Variants in RMDN3 observed in about 807,000 individuals in gnomAD.
RMDN3 encodes regulator of microtubule dynamics protein 3.
Under a neutral mutation model 61.8 loss-of-function variants are expected in RMDN3, and 41 were observed. That is an observed-to-expected ratio of 0.66 (90% CI 0.52 to 0.86). The LOEUF (loss-of-function observed/expected upper bound fraction) is 0.86, where lower values mean the gene tolerates loss of function less well. RMDN3 is among the 40% of genes least tolerant of loss of function. The pLI, the probability that RMDN3 is intolerant of heterozygous loss-of-function variation, is 0.00. For synonymous variants in RMDN3, 247 were observed against 232.0 expected (o/e 1.06, Z -0.59); for missense variants, 557 against 585.3 (o/e 0.95, Z 0.50).
intron 9 of RMDN3, 69 bp downstream of exon 9, chr15:40,737,896 T>A: frequency 6.4e-7 from 1 of 1,569,744 alleles, no homozygotes; most frequent in Non-Finnish European, 8.8e-7. Context: ...GATCTTGTTC[T>A]TCCTGGCAAG....
Position 40,737,303 on chromosome 15 carries a change from C to A in RMDN3, c.1263G>T (p.Arg421Ser), listed in dbSNP as rs1332029790. Residue 421 changes from arginine to serine, a missense_variant, in exon 11 of 13, where the codon AGG (arginine) becomes AGT (serine). By Grantham distance (110) the Arg-to-Ser change is moderately radical. Transcript: ENST00000338376. ...ATGAGTTTACCTTGGAAATATATAC[C>A]CTTCCTGCTTTGGAAAATCCTGGCT... Reference protein sequence around the residue: ...ELQPGFSKAGRVYISKCYREL... With the variant: ...ELQPGFSKAGSVYISKCYREL... 6.2e-7 allele frequency: 1 copy of A among 1,613,940 alleles called. No homozygotes were observed. Among genetic ancestry groups the A allele is most frequent in the Admixed American group, 1.7e-5 (1 of 60,000 alleles).
chr15:40,740,698 A>G (rs1404107570), intron 6 of RMDN3, among the ~76,000 whole-genome samples: 1 of 152,102 alleles, frequency 6.6e-6, no homozygotes, highest in Admixed American at 6.5e-5. Context: ...CTTCTGCTTC[A>G]CCTTGGCTTC....
chr15:40,744,171 G>T (rs1264140779), intron 5 of RMDN3, 22 bp from the exon 6 acceptor site: 1 of 1,609,838 alleles, frequency 6.2e-7, no homozygotes, highest in South Asian at 1.1e-5. Flanking sequence ...ACAGAAACGG[G>T]TGAGGCCCCT....
intron 4 of RMDN3, among the ~76,000 whole-genome samples, 153 bp from the exon 5 acceptor site, chr15:40,745,412 CTTTTTTT>C (rs376519039): frequency 7.7e-6 from 1 of 130,316 alleles, no homozygotes; most frequent in Non-Finnish European, 1.6e-5. Context: ...GACTTTTTTT[CTTTTTTT>C]TTTTTTTTTT....
rs957402103 is a variant in RMDN3, at chr15:40,754,839, G to C, written c.-7-49C>G. 4 of 800,824 alleles carry C rather than the reference G, an allele frequency of 5.0e-6. 1 individual carries two copies. The highest frequency in any genetic ancestry group is 3.6e-5 in the African/African-American group (2 of 55,674). The allele number at this position is 800,824 out of a possible 1,614,324, so 49.6% of individuals were successfully genotyped here. Reference sequence around the variant, plus strand: ...GAGCAGGCAGGCGGGCGGGCGGGCGGGGGTAAGGAGAGAGAGAGATTCGTG... The same window carrying C: ...GAGCAGGCAGGCGGGCGGGCGGGCGCGGGTAAGGAGAGAGAGAGATTCGTG... On this transcript the variant is annotated intron_variant, in intron 1 of 12. Coordinates refer to ENST00000338376, the MANE Select transcript of RMDN3 (RefSeq NM_018145.3).
intron 2 of RMDN3, among the ~76,000 whole-genome samples, chr15:40,752,981 G>A (rs1897891440): frequency 6.6e-6 from 1 of 152,182 alleles, no homozygotes; most frequent in Non-Finnish European, 1.5e-5. Flanking sequence ...TGTAGTGCAA[G>A]AAAGATCCCT....
In RMDN3 at chr15:40,754,750, C is replaced by T; in HGVS notation, c.34G>A (p.Ala12Thr). Reference protein sequence around the residue: ...SRLGALGGARAGLGLLLGTAA... With the variant: ...SRLGALGGARTGLGLLLGTAA... ...GTACCCAGCAACAGTCCCAGCCCGG[C>T]ACGGGCACCACCCAGGGCTCCCAGT... The change falls in exon 2 of 13, where the codon GCC (alanine) becomes ACC (threonine). Residue 12 changes from alanine to threonine, a missense_variant. Transcript: ENST00000338376. 1 of 1,611,252 alleles carries T rather than the reference C, an allele frequency of 6.2e-7. No individual in the cohort carries two copies. Among genetic ancestry groups the T allele is most frequent in the Middle Eastern group, 1.7e-4 (1 of 5,930 alleles).
Position 40,736,536 on chromosome 15 carries a change from C to A in RMDN3, c.*5G>T. ...CATCAAGTCATGAAGGCCAGTGAAA[C>A]GTGGTTAGTCTCGTAAAATGACTTC... On this transcript the variant is annotated 3_prime_UTR_variant, in exon 13 of 13. Coordinates refer to ENST00000338376, the MANE Select transcript of RMDN3 (RefSeq NM_018145.3). The A allele has an allele frequency of 6.2e-7, 1 of 1,613,618 alleles. No homozygotes were observed. The highest frequency in any genetic ancestry group is 2.2e-5 in the East Asian group (1 of 44,880).
Position 40,751,514 on chromosome 15 carries a change from G to T in RMDN3, c.436C>A (p.Arg146=). The T allele has an allele frequency of 3.1e-6, 5 of 1,614,094 alleles. No individual in the cohort carries two copies. Among genetic ancestry groups the T allele is most frequent in the Non-Finnish European group, 4.2e-6 (5 of 1,180,042 alleles). The change falls in exon 4 of 13, where the codon CGG becomes AGG. Residue 146 remains arginine (R), a synonymous_variant. Transcript: ENST00000338376. ...VARRRRFPFV[R]ERSDSTGSSS... ...GAGCCAGTGGAGTCACTCCTCTCCC[G>T]GACAAACGGAAACCTTCGCCGCCGA...
intron 4 of RMDN3, among the ~76,000 whole-genome samples, chr15:40,746,373 A>G (rs956837492): frequency 5.9e-5 from 9 of 152,008 alleles, no homozygotes; most frequent in African/African-American, 1.4e-4. Flanking sequence ...AAAATTAGCC[A>G]GGCATGGTGG....
chr15:40,754,487 C>G, intron 2 of RMDN3, 110 bp downstream of exon 2: 1 of 1,152,786 alleles, frequency 8.7e-7, no homozygotes, highest in Non-Finnish European at 1.2e-6. Context: ...AAAAGTGAAA[C>G]CCTAAAGCAC....
intron 6 of RMDN3, among the ~76,000 whole-genome samples, chr15:40,743,428 A>C (rs1274252089): frequency 6.6e-6 from 1 of 152,180 alleles, no homozygotes; most frequent in Non-Finnish European, 1.5e-5. Flanking sequence ...AAAAAAAAAA[A>C]AAAAATAGAT....
At chr15:40,751,388 G>A in intron 4 of RMDN3, 38 bp downstream of exon 4, 1 of 1,604,458 alleles carries the variant, frequency 6.2e-7, no homozygotes, top group South Asian at 1.1e-5. Flanking sequence ...AACACAACCT[G>A]GCTGTAGCCA....
At chr15:40,750,210 G>GT (rs10586666) in intron 4 of RMDN3, among the ~76,000 whole-genome samples, 6,692 of 89,630 alleles carry the variant, frequency 0.075, 411 homozygotes, top group East Asian at 0.15. Flanking sequence ...TGCCCAGCTC[G>GT]TTTTTTTTTT....
At chr15:40,740,348 G>T (rs893454219) in intron 6 of RMDN3, among the ~76,000 whole-genome samples, 155 bp from the exon 7 acceptor site, 1 of 152,206 alleles carries the variant, frequency 6.6e-6, no homozygotes. Flanking sequence ...ATGAAAGGCC[G>T]CAAAGAAGCC....
intron 6 of RMDN3, 42 bp from the exon 7 acceptor site, chr15:40,740,235 G>A (rs1897226765): frequency 2.3e-6 from 3 of 1,331,944 alleles, no homozygotes; most frequent in East Asian, 4.6e-5. Flanking sequence ...TAGCTCTTAT[G>A]CACACTTTCA....
chr15:40,751,353 T>G (rs961538157), intron 4 of RMDN3, 73 bp downstream of exon 4: 1 of 1,556,338 alleles, frequency 6.4e-7, no homozygotes, highest in African/African-American at 1.4e-5. Flanking sequence ...TTGGTTTGAA[T>G]TTTCCATTGA....
chr15:40,753,849 T>C (rs1399601077), intron 2 of RMDN3, among the ~76,000 whole-genome samples: 3 of 152,200 alleles, frequency 2.0e-5, no homozygotes, highest in African/African-American at 4.8e-5. Flanking sequence ...TTGAATGAGA[T>C]AGTTGCCAAG....
chr15:40,737,494 G>GAAGCTGTGCAAGTGATTCTGA (rs1897102122), intron 10 of RMDN3, 134 bp downstream of exon 10: 1 of 1,125,288 alleles, frequency 8.9e-7, no homozygotes, highest in African/African-American at 1.6e-5. Flanking sequence ...AGTGATTCTG[G>GAAGCTGTGCAAGTGATTCTGA]TTTTCCCATA....
Sources: allele counts gnomAD v4.1 joint callset (sites outside exome capture counted in the v4.1 genomes callset), GRCh38; gene constraint gnomAD v4.1.1; transcripts MANE v1.5; gene names NCBI Gene and HGNC (gene_info 2026-07-23, HGNC 2026-07-21).